The following HSD17B14 variants were observed in gnomAD, a reference collection of about 807,000 sequenced individuals.
The protein encoded by HSD17B14 is L-fucose dehydrogenase.
Under a neutral mutation model 32.2 loss-of-function variants are expected in HSD17B14, and 32 were observed. That is an observed-to-expected ratio of 0.99 (90% CI 0.75 to 1.33). The LOEUF is 1.33. Among genes scored for constraint, HSD17B14 ranks in the 40% most tolerant of loss-of-function variants. HSD17B14 has a pLI of 0.00. For missense variants in HSD17B14, 370 were observed against 366.5 expected (o/e 1.01, Z -0.08); for synonymous variants, 140 against 155.4 (o/e 0.90, Z 0.74).
intron 5 of HSD17B14, 47 bp from the exon 6 acceptor site, chr19:48,815,188 G>T (rs755569358): frequency 7.1e-7 from 1 of 1,412,902 alleles, no homozygotes; most frequent in African/African-American, 1.4e-5. Context: ...CTGCATCTTC[G>T]CAGACCACTG....
chr19:48,832,323 G>T (rs2035353163), intron 4 of HSD17B14, among the ~76,000 whole-genome samples: 1 of 151,680 alleles, frequency 6.6e-6, no homozygotes, highest in Non-Finnish European at 1.5e-5. Flanking sequence ...AGGTTGCAGT[G>T]AGCTGAGATC....
At chr19:48,821,013 AT>A (rs550582834) in intron 5 of HSD17B14, among the ~76,000 whole-genome samples, 35,487 of 123,594 alleles carry the variant, frequency 0.29, 4,605 homozygotes, top group African/African-American at 0.37. Flanking sequence ...GGATGGATAG[AT>A]TTTTTTTTTT....
intron 5 of HSD17B14, among the ~76,000 whole-genome samples, chr19:48,816,795 C>CTTTCTTTCTTTCTTTCT (rs1375772946): frequency 9.3e-6 from 1 of 107,270 alleles, no homozygotes; most frequent in Non-Finnish European, 1.9e-5. Context: ...TTCTTTCTTT[C>CTTTCTTTCTTTCTTTCT]TTTCTTTCTT....
At chr19:48,813,626 C>A in intron 7 of HSD17B14, 37 bp downstream of exon 7, 2 of 1,613,182 alleles carry the variant, frequency 1.2e-6, no homozygotes, top group Non-Finnish European at 1.7e-6. Flanking sequence ...CACCCCAGTC[C>A]CCCCAGGAGG....
At chr19:48,832,426 A>G (rs1016043428) in intron 4 of HSD17B14, among the ~76,000 whole-genome samples, 4 of 152,040 alleles carry the variant, frequency 2.6e-5, no homozygotes. Flanking sequence ...AGAAAAGAAA[A>G]GAAGAGAGAC....
intron 5 of HSD17B14, among the ~76,000 whole-genome samples, chr19:48,824,769 CAAAA>C (rs201759749): frequency 3.1e-5 from 3 of 96,820 alleles, no homozygotes; most frequent in Non-Finnish European, 6.1e-5. Context: ...TAAAGAAAGA[CAAAA>C]AAAAAAAGAA....
chr19:48,813,409 C>A (rs763477103), intron 8 of HSD17B14, 47 bp downstream of exon 8: 9 of 1,563,088 alleles, frequency 5.8e-6, no homozygotes, highest in Non-Finnish European at 7.8e-6. Flanking sequence ...CCATGCCCCC[C>A]ACCCCCATGC....
rs942310264 is a variant in HSD17B14, at chr19:48,832,610, G to A, written c.277+56C>T. ...CAGGGAGTGGGGAAACTGACGTGCA[G>A]GAAACAGAGTTGGGGGGCAGGAGGT... On this transcript the variant is annotated intron_variant, in intron 4 of 8. Coordinates refer to ENST00000263278, the MANE Select transcript of HSD17B14 (RefSeq NM_016246.3). The A allele has an allele frequency of 8.1e-6, 12 of 1,481,332 alleles. No individual in the cohort carries two copies. The African/African-American group carries it at 1.5e-4, about 19-fold the overall frequency. The allele number at this position is 1,481,332 out of a possible 1,614,324, so 91.8% of individuals were successfully genotyped here.
intron 4 of HSD17B14, 81 bp downstream of exon 4, chr19:48,832,585 C>A (rs1208847672): frequency 3.3e-6 from 4 of 1,218,786 alleles, no homozygotes; most frequent in Non-Finnish European, 4.8e-6. Flanking sequence ...GAATCAGGGG[C>A]AGGGAGTGGG....
chr19:48,830,836 A>ATTTATTTC (rs2035324946), intron 5 of HSD17B14, among the ~76,000 whole-genome samples: 1 of 148,864 alleles, frequency 6.7e-6, no homozygotes, highest in South Asian at 2.1e-4. Flanking sequence ...TTATTTATTT[A>ATTTATTTC]TTTATTTATT....
intron 1 of HSD17B14, 142 bp downstream of exon 1, chr19:48,836,182 G>A (rs1460934970): frequency 1.3e-5 from 11 of 851,866 alleles, no homozygotes; most frequent in Non-Finnish European, 1.9e-5. Context: ...AGCGCCACAC[G>A]CTTACTTTAG....
intron 2 of HSD17B14, among the ~76,000 whole-genome samples, 164 bp downstream of exon 2, chr19:48,835,641 T>TC (rs1041064498): frequency 7.8e-5 from 11 of 140,878 alleles, no homozygotes; most frequent in African/African-American, 3.1e-4. Context: ...GGGCCTGGAC[T>TC]CCTAGGTCTG....
At chr19:48,836,071 CA>C (rs1191937535) in intron 1 of HSD17B14, among the ~76,000 whole-genome samples, 2 of 152,082 alleles carry the variant, frequency 1.3e-5, no homozygotes, top group African/African-American at 4.8e-5. Flanking sequence ...CCACGACTGA[CA>C]GAGCCATTCC....
rs79705543 is a variant in HSD17B14 at position 48,817,769 on chromosome 19, T to C, written c.370-2628A>G. ...TGAATTAATGAATGAATGGAGGACCTGGTATGTGTCCAGCCCTGTCCTCAG... is the reference window on the plus strand; with the variant it reads ...TGAATTAATGAATGAATGGAGGACCCGGTATGTGTCCAGCCCTGTCCTCAG... On this transcript the variant is annotated intron_variant, in intron 5 of 8. Transcript: ENST00000263278. Among the ~76,000 whole-genome samples the C allele has an allele frequency of 9.2e-3, 1,395 of 152,328 alleles. 18 individuals are homozygous for C. The highest frequency in any genetic ancestry group is 0.032 in the African/African-American group (1,330 of 41,568).
chr19:48,835,674 G>T (rs1430246730), intron 2 of HSD17B14, 131 bp downstream of exon 2: 3 of 845,042 alleles, frequency 3.6e-6, no homozygotes, highest in East Asian at 4.9e-5. Context: ...CTGAGGTCTG[G>T]ACTCCTGGGT....
At chr19:48,821,668 A>G (rs1414022749) in intron 5 of HSD17B14, among the ~76,000 whole-genome samples, 2 of 143,656 alleles carry the variant, frequency 1.4e-5, no homozygotes, top group East Asian at 2.0e-4. Context: ...TGATAGTGAT[A>G]ATGATGATGA....
Position 48,815,198 on chromosome 19 carries a change from G to A in HSD17B14, c.370-57C>T, listed in dbSNP as rs541385441. ...AAGCCCTGCATCTTCGCAGACCACT[G>A]AAACACAGCCACAGCCATCCTGATG... On this transcript the variant is annotated intron_variant, in intron 5 of 8. Transcript: ENST00000263278. 1.7e-5 allele frequency: 22 copies of A among 1,310,932 alleles called. No homozygotes were observed. In the African/African-American group the frequency reaches 2.5e-4, roughly 15 times the overall value. 81.2% of individuals were successfully genotyped at this position (1,310,932 alleles called of 1,614,324 possible).
chr19:48,826,317 A>AC (rs1273700302), intron 5 of HSD17B14, among the ~76,000 whole-genome samples: 1 of 149,766 alleles, frequency 6.7e-6, no homozygotes, highest in Non-Finnish European at 1.5e-5. Flanking sequence ...ACATAGTGAG[A>AC]CCCCCAACTC....
chr19:48,815,234 C>T (rs947626588), intron 5 of HSD17B14, 93 bp from the exon 6 acceptor site: 9 of 876,296 alleles, frequency 1.0e-5, no homozygotes, highest in South Asian at 2.8e-5. Context: ...TCTGGGATGA[C>T]GGCCACCTCC....
Sources: allele counts gnomAD v4.1 joint callset (sites outside exome capture counted in the v4.1 genomes callset), GRCh38; gene constraint gnomAD v4.1.1; transcripts MANE v1.5; gene names NCBI Gene and HGNC (gene_info 2026-07-23, HGNC 2026-07-21).